Variants in ADH5 observed in about 807,000 individuals in gnomAD.
ADH5 encodes the protein alcohol dehydrogenase 5 (class III), chi polypeptide, also known as alcohol dehydrogenase class-3.
In ADH5, 32 loss-of-function variants were observed where a neutral mutation model predicts 40.3. That is an observed-to-expected ratio of 0.79 (90% CI 0.60 to 1.07). The LOEUF is 1.07. ADH5 is among the 50% of genes least tolerant of loss of function. The probability of loss-of-function intolerance (pLI) is 0.00; values close to 1 mark genes in which losing one functional copy is unlikely to be tolerated. For missense variants in ADH5, 353 were observed against 460.5 expected, an observed-to-expected ratio of 0.77 and a Z score of 2.14; for synonymous variants, 125 against 154.3, an observed-to-expected ratio of 0.81 and a Z score of 1.41.
At chr4:99,087,215 C>G (rs1279187078) in intron 1 of ADH5, among the ~76,000 whole-genome samples, 1 of 152,064 alleles carries the variant, frequency 6.6e-6, no homozygotes, top group African/African-American at 2.4e-5. Context: ...GAAACCCCGT[C>G]TCTACTAAAA....
At chr4:99,083,600 C>CAAAA (rs6148593) in intron 2 of ADH5, among the ~76,000 whole-genome samples, 1 of 85,172 alleles carries the variant, frequency 1.2e-5, no homozygotes, top group Non-Finnish European at 2.5e-5. Context: ...ACTCTGTCTC[C>CAAAA]AAAAAAAAAA....
intron 4 of ADH5, 139 bp downstream of exon 4, chr4:99,081,226 C>G: frequency 1.7e-6 from 1 of 584,600 alleles, no homozygotes; most frequent in Non-Finnish European, 3.0e-6. Context: ...TTGTTCGGGA[C>G]TCAGTCCTTT....
Position 99,076,284 on chromosome 4 carries a change from A to G in ADH5, c.825+8T>C. The G allele has an allele frequency of 1.2e-6, 2 of 1,613,926 alleles. No homozygotes were observed. Among genetic ancestry groups the G allele is most frequent in the Non-Finnish European group, 1.7e-6 (2 of 1,179,804 alleles). ...CATAAACTAAAAAGGAATGAAGCCC[A>G]TACTCACCATGACCTTCACATTACC... On this transcript the variant is annotated splice_region_variant and intron_variant, in intron 6 of 8. Transcript: ENST00000296412.
rs1353385774 is a variant in ADH5, at chr4:99,071,396, A to G, written c.*1021T>C. The G allele has an allele frequency of 2.6e-5, 4 of 152,246 alleles. No homozygotes were observed. Among genetic ancestry groups the G allele is most frequent in the Non-Finnish European group, 5.9e-5 (4 of 68,046 alleles). The allele number at this position is 152,246 out of a possible 1,614,324, so 9.4% of individuals were successfully genotyped here. On this transcript the variant is annotated 3_prime_UTR_variant, in exon 9 of 9. Transcript: ENST00000296412. ...CAGAAGAATGTTCCACTACAGTGTT[A>G]TAATACAGAAACTGGCAACAACTTC...
In ADH5 at chr4:99,072,688, G is replaced by T. The variant is rs1166473247; in HGVS notation, c.985C>A (p.Pro329Thr). Residue 329 changes from proline (P) to threonine (T), a missense_variant, in exon 8 of 9, where the codon CCA becomes ACA. Physicochemically the swap from Pro to Thr is conservative, Grantham distance 38. Transcript: ENST00000296412. ...FGGWKSVESV[P>T]KLVSEYMSKK... The stretch of plus-strand genomic sequence containing the variant: ...GACATATATTCAGACACCAACTTTG[G>T]GACACTTTCTACACTCTTCCATCCT... 1.2e-6 allele frequency: 2 copies of T among 1,611,782 alleles called. No homozygotes were observed. Among genetic ancestry groups the T allele is most frequent in the African/African-American group, 1.3e-5 (1 of 74,816 alleles).
At chr4:99,081,313 T>G in intron 4 of ADH5, 52 bp downstream of exon 4, 1 of 1,224,354 alleles carries the variant, frequency 8.2e-7, no homozygotes, top group African/African-American at 1.5e-5. Flanking sequence ...CTGTGATTCC[T>G]TAATTATCCC....
chr4:99,075,230 T>G (rs1727902387), intron 6 of ADH5, 181 bp from the exon 7 acceptor site: 5 of 430,492 alleles, frequency 1.2e-5, no homozygotes, highest in African/African-American at 2.0e-5. Context: ...TTGTTGTTTT[T>G]TTTTTTTTTG....
chr4:99,073,223 G>C (rs1727864434), intron 7 of ADH5, among the ~76,000 whole-genome samples: 1 of 152,226 alleles, frequency 6.6e-6, no homozygotes, highest in Non-Finnish European at 1.5e-5. Flanking sequence ...CTATCGCCTA[G>C]GCTGGAGTAC....
At chr4:99,088,322 G>C (rs374807808) in intron 1 of ADH5, among the ~76,000 whole-genome samples, 1 of 152,184 alleles carries the variant, frequency 6.6e-6, no homozygotes, top group East Asian at 1.9e-4. Context: ...TATGCAAGCT[G>C]CAAGAATGAC....
At chr4:99,081,665 A>T (rs1728026512) in intron 3 of ADH5, 1 of 566,786 alleles carries the variant, frequency 1.8e-6, no homozygotes, top group Non-Finnish European at 3.1e-6. Flanking sequence ...TTAAACAATA[A>T]CTGAAGAACA....
chr4:99,088,608 G>A (rs1728198086), intron 1 of ADH5, 81 bp downstream of exon 1: 2 of 1,402,248 alleles, frequency 1.4e-6, no homozygotes, highest in Admixed American at 5.0e-5. Context: ...CGAGCCTCGC[G>A]CGCCCCCGAG....
At chr4:99,075,229 T>C (rs956509417) in intron 6 of ADH5, 180 bp from the exon 7 acceptor site, 1 of 411,372 alleles carries the variant, frequency 2.4e-6, no homozygotes, top group East Asian at 4.5e-5. Context: ...TTTGTTGTTT[T>C]TTTTTTTTTT....
chr4:99,073,578 T>G (rs762398622), intron 7 of ADH5, among the ~76,000 whole-genome samples: 9 of 152,226 alleles, frequency 5.9e-5, no homozygotes, highest in Non-Finnish European at 1.3e-4. Context: ...TAAGGATGCT[T>G]TCAACGATAT....
At chr4:99,079,098 C>T (rs557319031) in intron 4 of ADH5, among the ~76,000 whole-genome samples, 6 of 152,276 alleles carry the variant, frequency 3.9e-5, no homozygotes, top group Non-Finnish European at 5.9e-5. Context: ...TACAAGTACA[C>T]GAGAGAGCTG....
Position 99,072,507 on chromosome 4 carries a change from C to G in ADH5, c.1100+66G>C. On this transcript the variant is annotated intron_variant, in intron 8 of 8. Coordinates refer to ENST00000296412, the MANE Select transcript of ADH5 (RefSeq NM_000671.4). ...TTAAGACAACTAAAATTGTGTTTTTCGACTCTCCATCCCCTCAAACTCAAC... is the reference window on the plus strand; with the variant it reads ...TTAAGACAACTAAAATTGTGTTTTTGGACTCTCCATCCCCTCAAACTCAAC... 5 of 1,608,720 alleles carry G rather than the reference C, an allele frequency of 3.1e-6. No individual in the cohort carries two copies. The East Asian group carries it at 1.1e-4, about 36-fold the overall frequency.
intron 7 of ADH5, among the ~76,000 whole-genome samples, chr4:99,073,380 A>G (rs1036640724): frequency 1.3e-5 from 2 of 152,070 alleles, no homozygotes; most frequent in African/African-American, 4.8e-5. Context: ...GGGTTTCACC[A>G]TGTTACCCAG....
In ADH5 at chr4:99,075,051, T is replaced by A; in HGVS notation, c.826-2A>T. The A allele has an allele frequency of 6.2e-7, 1 of 1,603,474 alleles. No homozygotes were observed. On this transcript the variant is annotated splice_acceptor_variant, in intron 6 of 8. Coordinates refer to ENST00000296412, the MANE Select transcript of ADH5 (RefSeq NM_000671.4). LOFTEE classifies it high-confidence loss of function. ...GTGACATGCCTCAAGTGCTGCTCTC[T>A]GCAGGCACAGAGATATGACCAAATC...
chr4:99,082,194 TTATTA>T, intron 2 of ADH5, 78 bp from the exon 3 acceptor site: 1 of 1,421,740 alleles, frequency 7.0e-7, no homozygotes, highest in Non-Finnish European at 9.6e-7. Context: ...AAAAGTCATT[TTATTA>T]TAATACTATA....
Position 99,076,399 on chromosome 4 carries a change from A to G in ADH5, c.718T>C (p.Cys240Arg). ...ARAKEFGATECINPQDFSKPI... is the reference protein window; with the variant it reads ...ARAKEFGATERINPQDFSKPI... ...TTACTAAAATCCTGAGGGTTAATAC[A>G]TTCAGTGGCTCCAAACTCTTTGGCC... is the stretch of plus-strand genomic sequence containing the variant. Residue 240 changes from cysteine (C) to arginine (R), a missense_variant, in exon 6 of 9, where the codon TGT (cysteine) becomes CGT (arginine). Cys to Arg is a radical substitution (Grantham distance 180, BLOSUM62 -3). Coordinates refer to ENST00000296412, the MANE Select transcript of ADH5 (RefSeq NM_000671.4). 2 of 1,614,174 alleles carry G rather than the reference A, an allele frequency of 1.2e-6. No homozygotes were observed. Among genetic ancestry groups the G allele is most frequent in the Non-Finnish European group, 1.7e-6 (2 of 1,180,024 alleles).
Sources: allele counts gnomAD v4.1 joint callset (sites outside exome capture counted in the v4.1 genomes callset), GRCh38; gene constraint gnomAD v4.1.1; transcripts MANE v1.5; gene names NCBI Gene and HGNC (gene_info 2026-07-23, HGNC 2026-07-21).